Variants in PTPN4 observed in about 807,000 individuals in gnomAD.
PTPN4 encodes protein tyrosine phosphatase non-receptor type 4, also known as tyrosine-protein phosphatase non-receptor type 4.
A neutral mutation model predicts 135.5 loss-of-function variants in PTPN4; 49 were observed. That is an observed-to-expected ratio of 0.36 (90% CI 0.29 to 0.46). The LOEUF is 0.46. Among genes scored for constraint, PTPN4 ranks in the 20% least tolerant of loss-of-function variants. The pLI is 1.00. For missense variants in PTPN4, 860 were observed against 1,101.0 expected, an observed-to-expected ratio of 0.78 and a Z score of 3.10; for synonymous variants, 333 against 369.9, an observed-to-expected ratio of 0.90 and a Z score of 1.14.
Position 119,934,957 on chromosome 2 carries a change from C to T in PTPN4, c.1354C>T (p.Pro452Ser), listed in dbSNP as rs759319749. 2.5e-6 allele frequency: 4 copies of T among 1,602,734 alleles called. No homozygotes were observed. The Admixed American group carries it at 5.2e-5, about 21-fold the overall frequency. ...QANSIVLESS[P>S]SQETPGDGKP... ...TAATAGCATTGTTCTGGAATCATCA[C>T]CGTAAGAGCTTTTTTATTTTGCTTC... Residue 452 changes from proline to serine, a missense_variant and splice_region_variant, in exon 15 of 27, where the codon CCA (proline) becomes TCA (serine). Physicochemically the swap from Pro to Ser is moderately conservative, Grantham distance 74. Transcript: ENST00000263708.
intron 16 of PTPN4, among the ~76,000 whole-genome samples, 185 bp downstream of exon 16, chr2:119,945,425 A>G (rs1372506530): frequency 6.6e-6 from 1 of 152,058 alleles, no homozygotes; most frequent in Non-Finnish European, 1.5e-5. Context: ...ATTAGAAGTG[A>G]TCATGGAGTA....
intron 1 of PTPN4, among the ~76,000 whole-genome samples, chr2:119,766,446 G>GCA (rs1558718857): frequency 1.3e-5 from 1 of 74,350 alleles, no homozygotes; most frequent in African/African-American, 4.7e-5. Flanking sequence ...GCGCATGTGC[G>GCA]CGCGTGTGTG....
chr2:119,792,892 G>T lies in PTPN4; in HGVS notation c.-17-16945G>T, dbSNP rs181192636. On this transcript the variant is annotated intron_variant, in intron 1 of 26. Transcript: ENST00000263708. ...GATTTTCAAAGGGGAGGGAGTGTAT[G>T]AATAGGGTGTGGGTCACAGAGATCA... 6.3e-3 allele frequency among the ~76,000 whole-genome samples: 964 copies of T among 152,300 alleles called. 12 individuals are homozygous for T. Among genetic ancestry groups the T allele is most frequent in the Non-Finnish European group, 7.5e-3 (508 of 68,028 alleles).
chr2:119,913,240 A>G (rs1678599649), intron 10 of PTPN4, among the ~76,000 whole-genome samples: 1 of 152,120 alleles, frequency 6.6e-6, no homozygotes, highest in African/African-American at 2.4e-5. Flanking sequence ...GGAGTGGAAT[A>G]CCTGGGTTTG....
chr2:119,791,477 C>CTAG (rs1320671926), intron 1 of PTPN4, among the ~76,000 whole-genome samples: 2 of 152,120 alleles, frequency 1.3e-5, no homozygotes, highest in Non-Finnish European at 2.9e-5. Flanking sequence ...GGACAGATTG[C>CTAG]TAGTGACAAA....
At chr2:119,931,195 A>G (rs1034843912) in intron 13 of PTPN4, among the ~76,000 whole-genome samples, 4 of 152,046 alleles carry the variant, frequency 2.6e-5, no homozygotes, top group African/African-American at 9.7e-5. Flanking sequence ...ATGATTTATT[A>G]TATACTTTAT....
At chr2:119,932,312 CTT>C in intron 13 of PTPN4, 110 bp from the exon 14 acceptor site, 1 of 1,087,670 alleles carries the variant, frequency 9.2e-7, no homozygotes, top group South Asian at 1.9e-5. Flanking sequence ...CAAGTAAACT[CTT>C]TATGTTGCTC....
intron 25 of PTPN4, among the ~76,000 whole-genome samples, chr2:119,966,310 G>C (rs1679445034): frequency 6.6e-6 from 1 of 152,050 alleles, no homozygotes; most frequent in African/African-American, 2.4e-5. Context: ...ACAGGCTGGA[G>C]TGCAATGGCA....
At chr2:119,845,158 G>A (rs936141067) in intron 2 of PTPN4, among the ~76,000 whole-genome samples, 4 of 148,142 alleles carry the variant, frequency 2.7e-5, no homozygotes, top group Non-Finnish European at 6.0e-5. Context: ...AGGAGAATCA[G>A]GCAGGGAGGT....
At chr2:119,784,024 A>G (rs936733743) in intron 1 of PTPN4, among the ~76,000 whole-genome samples, 14 of 152,098 alleles carry the variant, frequency 9.2e-5, no homozygotes, top group African/African-American at 3.4e-4. Flanking sequence ...TGAGCAGAGC[A>G]CTTATGTATG....
At chr2:119,781,189 A>G (rs948338102) in intron 1 of PTPN4, among the ~76,000 whole-genome samples, 6 of 152,090 alleles carry the variant, frequency 3.9e-5, no homozygotes, top group Admixed American at 2.6e-4. Context: ...CTCACCTTGT[A>G]TTTTCCTTGC....
chr2:119,854,945 T>C (rs1351775578), intron 2 of PTPN4, among the ~76,000 whole-genome samples: 2 of 152,176 alleles, frequency 1.3e-5, no homozygotes, highest in African/African-American at 4.8e-5. Flanking sequence ...ACTTCAGCTA[T>C]GAGGACACCT....
rs1186373089 is a variant in PTPN4, at chr2:119,934,802, G to T, written c.1199G>T (p.Arg400Leu). 1 of 1,613,200 alleles carries T rather than the reference G, an allele frequency of 6.2e-7. No homozygotes were observed. Among genetic ancestry groups the T allele is most frequent in the South Asian group, 1.1e-5 (1 of 90,900 alleles). The change falls in exon 15 of 27, where the codon CGA becomes CTA. Residue 400 changes from arginine (R) to leucine (L), a missense_variant and splice_region_variant. This residue lies in a region of PTPN4 where 684 missense variants were observed against 807.0 expected (regional missense o/e 0.85). Transcript: ENST00000263708. The stretch of plus-strand genomic sequence containing the variant: ...AGTTTTTCTCCCTCTTTATTTAGTC[G>T]AAATTCTACATTCACGCAGGAAGGA... ...SRSPPGTPNH[R>L]NSTFTQEGTR... is the part of the protein sequence containing the mutation.
intron 2 of PTPN4, among the ~76,000 whole-genome samples, chr2:119,822,511 A>C (rs1677084485): frequency 6.6e-6 from 1 of 152,042 alleles, no homozygotes; most frequent in African/African-American, 2.4e-5. Context: ...GGCATGTGCC[A>C]CCATGCCCAG....
intron 9 of PTPN4, among the ~76,000 whole-genome samples, chr2:119,898,348 G>A (rs1049000306): frequency 3.3e-5 from 5 of 152,102 alleles, no homozygotes; most frequent in Admixed American, 1.3e-4. Flanking sequence ...ACGGAATTGT[G>A]GGCACACAAA....
intron 15 of PTPN4, among the ~76,000 whole-genome samples, chr2:119,942,151 G>A (rs1679070192): frequency 6.6e-6 from 1 of 152,182 alleles, no homozygotes; most frequent in South Asian, 2.1e-4. Flanking sequence ...GGACAATAAT[G>A]TCTAATCATA....
At chr2:119,941,297 A>G (rs1210942799) in intron 15 of PTPN4, among the ~76,000 whole-genome samples, 4 of 152,208 alleles carry the variant, frequency 2.6e-5, no homozygotes. Flanking sequence ...ATTAAAGTAA[A>G]TTGAATTAAT....
At position 119,869,273 on chromosome 2, in the gene PTPN4, A is replaced by T. The variant is rs527579634; in HGVS notation, c.246+6630A>T. On this transcript the variant is annotated intron_variant, in intron 3 of 26. Coordinates refer to ENST00000263708, the MANE Select transcript of PTPN4 (RefSeq NM_002830.4). The stretch of plus-strand genomic sequence containing the variant: ...TGCAAAGAAGCACAGGAAACACTTT[A>T]GGGTGATAGAAATATCTTGATTGTG... Among the ~76,000 whole-genome samples the T allele has an allele frequency of 5.3e-5, 8 of 152,370 alleles. No homozygotes were observed. In the South Asian group the frequency reaches 1.7e-3, roughly 32 times the overall value.
chr2:119,810,098 T>C (rs1691551901), intron 2 of PTPN4, 107 bp downstream of exon 2: 10 of 1,317,354 alleles, frequency 7.6e-6, no homozygotes, highest in South Asian at 1.6e-5. Flanking sequence ...AAAAGTCTTA[T>C]TCAAGTAAAA....
Sources: gnomAD v4.1 joint callset for allele counts (sites outside exome capture counted in the v4.1 genomes callset) on GRCh38, gnomAD v4.1.1 for gene constraint, gnomAD v4.1.1 regional missense constraint, MANE v1.5 for transcripts, NCBI Gene and HGNC (gene_info 2026-07-23, HGNC 2026-07-21) for gene names.